Variants in GMPS observed in about 807,000 individuals in gnomAD.
GMPS encodes GMP synthase [glutamine-hydrolyzing].
In GMPS, 15 loss-of-function variants were observed where a neutral mutation model predicts 77.9. The observed-to-expected ratio is 0.19, with a 90% CI of 0.13 to 0.30. The LOEUF (loss-of-function observed/expected upper bound fraction) is 0.30. Ranked by LOEUF, GMPS falls within the 10% of genes least tolerant of loss-of-function variation. The pLI, the probability that GMPS is intolerant of heterozygous loss-of-function variation, is 1.00. For missense variants in GMPS, 590 were observed against 838.8 expected, an observed-to-expected ratio of 0.70 and a Z score of 3.66; for synonymous variants, 224 against 275.9, an observed-to-expected ratio of 0.81 and a Z score of 1.86.
Position 155,916,064 on chromosome 3 carries a change from G to A in GMPS, c.1084G>A (p.Val362Ile), listed in dbSNP as rs199968845. The A allele has an allele frequency of 1.3e-5, 21 of 1,613,434 alleles. No homozygotes were observed. The highest frequency in any genetic ancestry group is 1.8e-5 in the Non-Finnish European group (21 of 1,179,568). Residue 362 changes from valine to isoleucine, a missense_variant, in exon 9 of 16, where the codon GTT becomes ATT. Physicochemically the swap from Val to Ile is conservative, Grantham distance 29. Coordinates refer to ENST00000496455, the MANE Select transcript of GMPS (RefSeq NM_003875.3). The part of the protein sequence containing the change: ...IGEMNLKPEE[V>I]FLAQGTLRPD... ...AGAAATGAACTTGAAACCAGAGGAG[G>A]TTTTCCTTGCCCAAGGTACTTTACG...
chr3:155,890,127 G>C (rs1230956084), intron 1 of GMPS, among the ~76,000 whole-genome samples: 1 of 152,212 alleles, frequency 6.6e-6, no homozygotes, highest in Non-Finnish European at 1.5e-5. Flanking sequence ...AATTGTCAAA[G>C]CTGTGACAGT....
chr3:155,925,963 T>G (rs958010253), intron 12 of GMPS, among the ~76,000 whole-genome samples: 1 of 152,186 alleles, frequency 6.6e-6, no homozygotes, highest in African/African-American at 2.4e-5. Flanking sequence ...TTCTCAATTA[T>G]AAAATGCTAC....
Position 155,893,635 on chromosome 3 carries a change from T to A in GMPS, c.145T>A (p.Phe49Ile). Residue 49 changes from phenylalanine to isoleucine, a missense_variant, in exon 2 of 16, where the codon TTC becomes ATC. Transcript: ENST00000496455. ...CATAGACCGAAGAGTGAGGGAACTGTTCGTGCAGTCTGAAATTTTCCCCTT... is the reference window on the plus strand; with the variant it reads ...CATAGACCGAAGAGTGAGGGAACTGATCGTGCAGTCTGAAATTTTCCCCTT... ...KVIDRRVRELFVQSEIFPLET... is the reference protein window; with the variant it reads ...KVIDRRVRELIVQSEIFPLET... 6.2e-7 allele frequency: 1 copy of A among 1,612,368 alleles called. No individual in the cohort carries two copies. Among genetic ancestry groups the A allele is most frequent in the Non-Finnish European group, 8.5e-7 (1 of 1,178,534 alleles).
In GMPS at chr3:155,902,546, T is replaced by C. The variant is rs552538419; in HGVS notation, c.325-1317T>C. The stretch of plus-strand genomic sequence containing the variant: ...CACACCCATTTCTTTGTAAGTATTG[T>C]CTATGGATGCTTTTGAGCTGCAGTG... On this transcript the variant is annotated intron_variant, in intron 3 of 15. Transcript: ENST00000496455. 6.6e-5 allele frequency among the ~76,000 whole-genome samples: 10 copies of C among 152,346 alleles called. No individual in the cohort carries two copies. The South Asian group carries it at 2.1e-3, about 32-fold the overall frequency.
At chr3:155,885,983 G>A (rs1013247341) in intron 1 of GMPS, among the ~76,000 whole-genome samples, 1 of 151,988 alleles carries the variant, frequency 6.6e-6, no homozygotes, top group Non-Finnish European at 1.5e-5. Flanking sequence ...ACCATGCCTG[G>A]CTAATTTTTC....
At position 155,904,049 on chromosome 3, in the gene GMPS, TC is replaced by T. The variant is rs1754803319; in HGVS notation, c.422+90del. ...TTTTAACAATTGGAGATTCTATAATTCATAAACAAAATTAAGGGTATAGTAG... is the reference window on the plus strand; with the variant it reads ...TTTTAACAATTGGAGATTCTATAATTATAAACAAAATTAAGGGTATAGTAG... On this transcript the variant is annotated intron_variant, in intron 4 of 15. Transcript: ENST00000496455. 4.9e-6 allele frequency: 3 copies of T among 614,234 alleles called. No individual in the cohort carries two copies. The African/African-American group carries it at 5.6e-5, about 11-fold the overall frequency. The allele number at this position is 614,234 out of a possible 1,614,324, so 38.0% of individuals were successfully genotyped here.
At chr3:155,923,295 A>G (rs1251449807) in intron 11 of GMPS, among the ~76,000 whole-genome samples, 1 of 152,166 alleles carries the variant, frequency 6.6e-6, no homozygotes, top group Non-Finnish European at 1.5e-5. Context: ...AATTAGGACA[A>G]ATCATCATAA....
At chr3:155,899,217 A>G (rs957622198) in intron 3 of GMPS, among the ~76,000 whole-genome samples, 7 of 152,112 alleles carry the variant, frequency 4.6e-5, no homozygotes, top group African/African-American at 1.7e-4. Flanking sequence ...AAAAATACAA[A>G]ATTAGCTGGG....
At position 155,938,410 on chromosome 3, in the gene GMPS, G is replaced by C. The variant is rs1486710958; in HGVS notation, c.*718G>C. Reference sequence around the variant, plus strand: ...TTATTCAATGTCAGCTTGTTTATTAGTAAGGAGCTTTATCCTCCTAGCCTT... The same window carrying C: ...TTATTCAATGTCAGCTTGTTTATTACTAAGGAGCTTTATCCTCCTAGCCTT... On this transcript the variant is annotated 3_prime_UTR_variant, in exon 16 of 16. Coordinates refer to ENST00000496455, the MANE Select transcript of GMPS (RefSeq NM_003875.3). 6 of 214,284 alleles carry C rather than the reference G, an allele frequency of 2.8e-5. No individual in the cohort carries two copies. The Admixed American group carries it at 3.5e-4, about 13-fold the overall frequency. 13.3% of individuals were successfully genotyped at this position (214,284 alleles called of 1,614,324 possible). A position where few individuals can be genotyped will look rare whatever the true frequency, so the allele number is the denominator to read the frequency against.
Position 155,937,977 on chromosome 3 carries a change from GTC to G in GMPS, c.*289_*290del, listed in dbSNP as rs1755801079. On this transcript the variant is annotated 3_prime_UTR_variant, in exon 16 of 16. Transcript: ENST00000496455. ...CTTTATGTATAAATTCACTGTTGAT[GTC>G]TCTGTGAATATGTATGAAGGTGGGT... 3 of 317,036 alleles carry G rather than the reference GTC, an allele frequency of 9.5e-6. No individual in the cohort carries two copies. Among genetic ancestry groups the G allele is most frequent in the Non-Finnish European group, 1.7e-5 (3 of 172,002 alleles). The allele number at this position is 317,036 out of a possible 1,614,324, so 19.6% of individuals were successfully genotyped here.
At chr3:155,873,671 G>T (rs183181564) in intron 1 of GMPS, among the ~76,000 whole-genome samples, 2,860 of 101,182 alleles carry the variant, frequency 0.028, 124 homozygotes, top group African/African-American at 0.083. Context: ...GTCTAGCTCT[G>T]TCGCCCAGGC....
intron 3 of GMPS, among the ~76,000 whole-genome samples, chr3:155,903,442 A>G (rs1277353696): frequency 1.3e-5 from 2 of 152,240 alleles, no homozygotes; most frequent in African/African-American, 4.8e-5. Context: ...GCTTGGAAAA[A>G]TGTATTGTCT....
chr3:155,869,556 C>T (rs1017552899), upstream of GMPS, among the ~76,000 whole-genome samples: 1 of 152,176 alleles, frequency 6.6e-6, no homozygotes, highest in Non-Finnish European at 1.5e-5. Flanking sequence ...AAATATTTCA[C>T]TAATAAACTG....
intron 5 of GMPS, among the ~76,000 whole-genome samples, chr3:155,910,433 G>T (rs62286852): frequency 0.043 from 6,591 of 152,038 alleles, 260 homozygotes; most frequent in East Asian, 0.18. Flanking sequence ...GCTGGGCGTG[G>T]TGGCACACGC....
In GMPS at chr3:155,939,549, A is replaced by G. The variant is rs1253083647; in HGVS notation, c.*1857A>G. 4.9e-6 allele frequency: 1 copy of G among 203,436 alleles called. No individual in the cohort carries two copies. The highest frequency in any genetic ancestry group is 1.0e-5 in the Non-Finnish European group (1 of 99,168). 12.6% of individuals were successfully genotyped at this position (203,436 alleles called of 1,614,324 possible). ...GTCCTTTCCTGGAGATTCATGGTAT[A>G]TAATATTCAAAGCTCTGAGAAATTC... On this transcript the variant is annotated 3_prime_UTR_variant, in exon 16 of 16. Transcript: ENST00000496455.
intron 1 of GMPS, among the ~76,000 whole-genome samples, chr3:155,882,517 G>A (rs1754234222): frequency 6.6e-6 from 1 of 152,128 alleles, no homozygotes; most frequent in Admixed American, 6.6e-5. Flanking sequence ...TTACTTAATG[G>A]TTTTAATAGC....
At chr3:155,919,381 T>A in intron 10 of GMPS, 43 bp downstream of exon 10, 1 of 905,874 alleles carries the variant, frequency 1.1e-6, no homozygotes, top group Non-Finnish European at 1.8e-6. Flanking sequence ...TCTTTAGACC[T>A]TCATGTTGAA....
At chr3:155,906,076 C>A in intron 4 of GMPS, 84 bp from the exon 5 acceptor site, 2 of 696,970 alleles carry the variant, frequency 2.9e-6, no homozygotes, top group Non-Finnish European at 4.6e-6. Context: ...TCATGTATGG[C>A]AAGCTTGTGT....
chr3:155,877,885 C>T (rs1466372999), intron 1 of GMPS, among the ~76,000 whole-genome samples: 1 of 150,906 alleles, frequency 6.6e-6, no homozygotes, highest in Non-Finnish European at 1.5e-5. Context: ...GGATTCAAGC[C>T]ATTCTTCTTC....
Sources: allele counts gnomAD v4.1 joint callset (sites outside exome capture counted in the v4.1 genomes callset), GRCh38; gene constraint gnomAD v4.1.1; transcripts MANE v1.5; gene names NCBI Gene and HGNC (gene_info 2026-07-23, HGNC 2026-07-21).